Variants in CRYGD observed in about 807,000 individuals in gnomAD.
CRYGD encodes the protein crystallin gamma D, also known as gamma-crystallin D.
In CRYGD, 13 loss-of-function variants were observed where a neutral mutation model predicts 11.3. That is an observed-to-expected ratio of 1.15 (90% CI 0.75 to 1.83). The LOEUF (loss-of-function observed/expected upper bound fraction) is 1.83. Ranked by LOEUF, CRYGD falls within the 40% of genes most tolerant of loss-of-function variation. CRYGD has a pLI of 0.00. For missense variants in CRYGD, 231 were observed against 229.9 expected (o/e 1.00, Z -0.03); for synonymous variants, 77 against 89.5 (o/e 0.86, Z 0.79).
At chr2:208,123,339 T>C in intron 2 of CRYGD, among the ~76,000 whole-genome samples, 1 of 147,024 alleles carries the variant, frequency 6.8e-6, no homozygotes, top group South Asian at 2.1e-4. Context: ...AAATATATCA[T>C]TTAATATATT....
In CRYGD at chr2:208,121,888, C is replaced by T; in HGVS notation, c.310G>A (p.Glu104Lys). The part of the protein sequence containing the change: ...EREDYRGQMI[E>K]FTEDCSCLQD... ...AGACAGGAGCAGTCCTCAGTGAACTCTATCATCTGGCCTCTGTAGTCCTCT... is the reference window on the plus strand; with the variant it reads ...AGACAGGAGCAGTCCTCAGTGAACTTTATCATCTGGCCTCTGTAGTCCTCT... The change falls in exon 3 of 3, where the codon GAG (glutamate) becomes AAG (lysine). Residue 104 changes from glutamate (E) to lysine (K), a missense_variant. Coordinates refer to ENST00000264376, the MANE Select transcript of CRYGD (RefSeq NM_006891.4). The T allele has an allele frequency of 4.3e-6, 7 of 1,614,162 alleles. No homozygotes were observed. Among genetic ancestry groups the T allele is most frequent in the Non-Finnish European group, 5.9e-6 (7 of 1,180,024 alleles).
At chr2:208,123,707 A>T (rs78744186) in intron 2 of CRYGD, among the ~76,000 whole-genome samples, 1,760 of 152,334 alleles carry the variant, frequency 0.012, 40 homozygotes, top group African/African-American at 0.04. Flanking sequence ...AAAACCCAAA[A>T]TATGCAAGAG....
intron 2 of CRYGD, 87 bp downstream of exon 2, chr2:208,124,025 G>T: frequency 6.3e-7 from 1 of 1,582,564 alleles, no homozygotes; most frequent in South Asian, 1.1e-5. Flanking sequence ...TATTGTGACT[G>T]ATCACTACTT....
intron 2 of CRYGD, 144 bp downstream of exon 2, chr2:208,123,968 C>G: frequency 2.4e-6 from 3 of 1,253,024 alleles, no homozygotes; most frequent in Non-Finnish European, 3.4e-6. Context: ...GGGGAGCAAA[C>G]TCTATTGACT....
rs374584101 is a variant in CRYGD at position 208,121,855 on chromosome 2, G to T, written c.343C>A (p.Arg115Ser). The T allele has an allele frequency of 1.2e-6, 2 of 1,613,996 alleles. No individual in the cohort carries two copies. The highest frequency in any genetic ancestry group is 1.7e-6 in the Non-Finnish European group (2 of 1,180,034). The change falls in exon 3 of 3, where the codon CGC (arginine) becomes AGC (serine). Residue 115 changes from arginine (R) to serine (S), a missense_variant. By Grantham distance (110) the Arg-to-Ser change is moderately radical. Transcript: ENST00000264376. ...GAGTGGATTTCATTGAAGCGGAAGC[G>T]GTCCTGAAGACAGGAGCAGTCCTCA... ...FTEDCSCLQDRFRFNEIHSLN... is the reference protein window; with the variant it reads ...FTEDCSCLQDSFRFNEIHSLN...
Position 208,121,622 on chromosome 2 carries a change from G to A in CRYGD, c.*51C>T. ...AGCAAATCAGTGCCAGGAACACACA[G>A]AAAATATTTTATTAGTTTCCAAATT... On this transcript the variant is annotated 3_prime_UTR_variant, in exon 3 of 3. Transcript: ENST00000264376. The A allele has an allele frequency of 6.3e-7, 1 of 1,598,862 alleles. No homozygotes were observed. Among genetic ancestry groups the A allele is most frequent in the South Asian group, 1.1e-5 (1 of 88,982 alleles).
intron 2 of CRYGD, among the ~76,000 whole-genome samples, chr2:208,122,333 A>G (rs1258094105): frequency 6.7e-6 from 1 of 148,690 alleles, no homozygotes; most frequent in Non-Finnish European, 1.5e-5. Flanking sequence ...ATATATTTAA[A>G]TAATGTATAA....
Position 208,124,464 on chromosome 2 carries a change from C to G in CRYGD, c.9+1G>C. Reference sequence around the variant, plus strand: ...GGTCCCGGGGCGCAGGCTGGGCTCACCTTCCCCATGGCTGGCTGGGCGCAC... The same window carrying G: ...GGTCCCGGGGCGCAGGCTGGGCTCAGCTTCCCCATGGCTGGCTGGGCGCAC... On this transcript the variant is annotated splice_donor_variant, in intron 1 of 2. Transcript: ENST00000264376. LOFTEE classifies it high-confidence loss of function. The G allele has an allele frequency of 6.3e-7, 1 of 1,576,312 alleles. No homozygotes were observed. The highest frequency in any genetic ancestry group is 8.6e-7 in the Non-Finnish European group (1 of 1,162,000).
rs768608809 is a variant in CRYGD at position 208,124,126 on chromosome 2, G to A, written c.238C>T (p.Arg80Cys). The part of the protein sequence containing the change: ...MGLSDSVRSC[R>C]LIPHSGSHRI... ...GATGTACTCACGTGGGGGATGAGGC[G>A]GCAGGAGCGGACCGAGTCGCTGAGG... is the stretch of plus-strand genomic sequence containing the variant. The change falls in exon 2 of 3, where the codon CGC (arginine) becomes TGC (cysteine). Residue 80 changes from arginine (R) to cysteine (C), a missense_variant. Physicochemically the swap from Arg to Cys is radical, Grantham distance 180 (BLOSUM62 -3). Coordinates refer to ENST00000264376, the MANE Select transcript of CRYGD (RefSeq NM_006891.4). The A allele has an allele frequency of 1.9e-5, 30 of 1,611,682 alleles. No homozygotes were observed. The Admixed American group carries it at 3.2e-4, about 17-fold the overall frequency.
rs758048621 is a variant in CRYGD, at chr2:208,121,730, G to T, written c.468C>A (p.Asp156Glu). 6.2e-7 allele frequency: 1 copy of T among 1,614,086 alleles called. No homozygotes were observed. The highest frequency in any genetic ancestry group is 8.5e-7 in the Non-Finnish European group (1 of 1,179,996). Residue 156 changes from aspartate (D) to glutamate (E), a missense_variant, in exon 3 of 3, where the codon GAC becomes GAA. Transcript: ENST00000264376. ...CCACTCTGGCATTCGTGGCCCCCCA[G>T]TCCTGGTAGCGCCTATAGTCCCCTG... ...LMPGDYRRYQ[D>E]WGATNARVGS...
chr2:208,122,773 G>C (rs902784584), intron 2 of CRYGD, among the ~76,000 whole-genome samples: 10 of 150,788 alleles, frequency 6.6e-5, no homozygotes. Context: ...AAATTGCTAG[G>C]GCCCAGGAAG....
chr2:208,123,574 A>T lies in CRYGD; in HGVS notation c.252+538T>A, dbSNP rs565287219. ...AAAAATGGAGGAAGAAACATCAGTA[A>T]GTCCAAGGACGAATTTTGCATAAAC... On this transcript the variant is annotated intron_variant, in intron 2 of 2. Transcript: ENST00000264376. Among the ~76,000 whole-genome samples the T allele has an allele frequency of 5.9e-5, 9 of 152,230 alleles. 1 individual carries two copies. In the South Asian group the frequency reaches 1.9e-3, roughly 32 times the overall value.
rs772605779 is a variant in CRYGD at position 208,124,484 on chromosome 2, G to A, written c.-11C>T. On this transcript the variant is annotated 5_prime_UTR_variant, in exon 1 of 3. Transcript: ENST00000264376. ...GCTCACCTTCCCCATGGCTGGCTGG[G>A]CGCACGGCGGTGCTGAGCTGGTGGG... is the stretch of plus-strand genomic sequence containing the variant. 11 of 1,567,902 alleles carry A rather than the reference G, an allele frequency of 7.0e-6. No homozygotes were observed. In the African/African-American group the frequency reaches 1.3e-4, roughly 19 times the overall value.
chr2:208,123,011 A>AT (rs895118345), intron 2 of CRYGD, among the ~76,000 whole-genome samples: 8 of 150,156 alleles, frequency 5.3e-5, no homozygotes, highest in Non-Finnish European at 5.9e-5. Flanking sequence ...GTGAGCCGAG[A>AT]TTGCACCACT....
At chr2:208,123,052 C>G (rs1574545868) in intron 2 of CRYGD, among the ~76,000 whole-genome samples, 1 of 148,692 alleles carries the variant, frequency 6.7e-6, no homozygotes, top group East Asian at 2.0e-4. Context: ...GAGTGAGACT[C>G]TGTTTCAAAA....
In CRYGD at chr2:208,121,723, C is replaced by T; in HGVS notation, c.475G>A (p.Ala159Thr). ...AGAGAGCCCACTCTGGCATTCGTGG[C>T]CCCCCAGTCCTGGTAGCGCCTATAG... ...GDYRRYQDWG[A>T]TNARVGSLRR... The change falls in exon 3 of 3, where the codon GCC becomes ACC. Residue 159 changes from alanine (A) to threonine (T), a missense_variant. Coordinates refer to ENST00000264376, the MANE Select transcript of CRYGD (RefSeq NM_006891.4). 1.9e-6 allele frequency: 3 copies of T among 1,613,704 alleles called. No individual in the cohort carries two copies. Among genetic ancestry groups the T allele is most frequent in the South Asian group, 1.1e-5 (1 of 91,054 alleles).
intron 2 of CRYGD, among the ~76,000 whole-genome samples, chr2:208,122,586 G>A (rs543509124): frequency 6.7e-6 from 1 of 150,032 alleles, no homozygotes; most frequent in African/African-American, 2.4e-5. Flanking sequence ...TATAAGGGGT[G>A]GGGCAGTGGC....
Position 208,124,101 on chromosome 2 carries a change from G to T in CRYGD, c.252+11C>A. On this transcript the variant is annotated intron_variant, in intron 2 of 2. Transcript: ENST00000264376. ...CTGAGGGCCTGGGTCCTGACTTGAG[G>T]ATGTACTCACGTGGGGGATGAGGCG... 1 of 1,611,710 alleles carries T rather than the reference G, an allele frequency of 6.2e-7. No homozygotes were observed.
rs747575175 is a variant in CRYGD, at chr2:208,124,489, C to T, written c.-16G>A. On this transcript the variant is annotated 5_prime_UTR_variant, in exon 1 of 3. It adds an upstream start codon to the 5' untranslated region. Coordinates refer to ENST00000264376, the MANE Select transcript of CRYGD (RefSeq NM_006891.4). ...CCTTCCCCATGGCTGGCTGGGCGCA[C>T]GGCGGTGCTGAGCTGGTGGGGCGGC... 1.3e-6 allele frequency: 2 copies of T among 1,565,652 alleles called. No individual in the cohort carries two copies. The highest frequency in any genetic ancestry group is 2.3e-5 in the South Asian group (2 of 85,402).
Sources: allele counts gnomAD v4.1 joint callset (sites outside exome capture counted in the v4.1 genomes callset), GRCh38; gene constraint gnomAD v4.1.1; transcripts MANE v1.5; gene names NCBI Gene and HGNC (gene_info 2026-07-23, HGNC 2026-07-21).